SCN3A: variants seen among roughly 807,000 people sequenced by gnomAD.
SCN3A encodes sodium channel protein type 3 subunit alpha.
Under a neutral mutation model 187.6 loss-of-function variants are expected in SCN3A, and 60 were observed. That is an observed-to-expected ratio of 0.32 (90% confidence interval 0.26 to 0.40). The LOEUF (loss-of-function observed/expected upper bound fraction) is 0.40, where lower values mean the gene tolerates loss of function less well. SCN3A is among the 10% of genes least tolerant of loss of function. The probability of loss-of-function intolerance (pLI) is 1.00; values close to 1 mark genes in which losing one functional copy is unlikely to be tolerated. For synonymous variants in SCN3A, 788 were observed against 829.2 expected, an observed-to-expected ratio of 0.95 and a Z score of 0.85; for missense variants, 1,601 against 2,428.2, an observed-to-expected ratio of 0.66 and a Z score of 7.16.
rs144156246 is a variant in SCN3A, at chr2:165,183,325, A to G, written c.-51+3226T>C. 2.8e-3 allele frequency among the ~76,000 whole-genome samples: 419 copies of G among 152,340 alleles called. 4 individuals carry two copies. The highest frequency in any genetic ancestry group is 0.015 in the South Asian group (72 of 4,828). ...AACACAAATTATGACCTTTTCTATT[A>G]TAGTTGACATATTTGTCTTGAATCT... On this transcript the variant is annotated intron_variant, in intron 2 of 27. Coordinates refer to ENST00000283254, the MANE Select transcript of SCN3A (RefSeq NM_006922.4).
chr2:165,162,535 A>G (rs779443897), intron 8 of SCN3A, 21 bp downstream of exon 8: 2 of 1,613,750 alleles, frequency 1.2e-6, no homozygotes, highest in South Asian at 1.1e-5. Flanking sequence ...ACTAAGGTTA[A>G]CATAATGTAA....
intron 15 of SCN3A, among the ~76,000 whole-genome samples, chr2:165,132,616 A>G (rs1687406901): frequency 6.6e-6 from 1 of 152,242 alleles, no homozygotes; most frequent in Non-Finnish European, 1.5e-5. Flanking sequence ...CTTACACCTT[A>G]TACAAAAATT....
rs1685029900 is a variant in SCN3A at position 165,090,406 on chromosome 2, A to G, written c.5747T>C (p.Leu1916Ser). The G allele has an allele frequency of 6.2e-7, 1 of 1,613,424 alleles. No individual in the cohort carries two copies. The highest frequency in any genetic ancestry group is 2.2e-5 in the East Asian group (1 of 44,860). The change falls in exon 28 of 28, where the codon TTA becomes TCA. Residue 1916 changes from leucine (L) to serine (S), a missense_variant. Leu to Ser is a moderately radical substitution (Grantham distance 145, BLOSUM62 -2). Coordinates refer to ENST00000283254, the MANE Select transcript of SCN3A (RefSeq NM_006922.4). The surrounding 1 kb of genome is among the most constrained non-coding windows in gnomAD (Gnocchi z 4.0). ...IIQRNFRCYL[L>S]KQRLKNISSN... is the part of the protein sequence containing the mutation. ...TGATATATTTTTTAACCTTTGCTTT[A>G]AAAGATAACATCTGAAATTACGCTG... is the stretch of plus-strand genomic sequence containing the variant.
At chr2:165,155,426 G>A (rs1688958366) in intron 10 of SCN3A, among the ~76,000 whole-genome samples, 2 of 150,570 alleles carry the variant, frequency 1.3e-5, no homozygotes, top group African/African-American at 4.9e-5. Flanking sequence ...TTGAGATGGG[G>A]TCTTACTCTG....
intron 22 of SCN3A, among the ~76,000 whole-genome samples, chr2:165,098,950 T>C (rs1442222397): frequency 6.6e-6 from 1 of 152,188 alleles, no homozygotes; most frequent in Admixed American, 6.5e-5. Context: ...AAAGTTTGGT[T>C]TGAAAAGAAC....
At chr2:165,106,041 C>T (rs968972670) in intron 21 of SCN3A, among the ~76,000 whole-genome samples, 6 of 151,934 alleles carry the variant, frequency 3.9e-5, no homozygotes, top group Non-Finnish European at 8.8e-5. Context: ...AAGCAAATAC[C>T]GTGGTCATTG....
intron 21 of SCN3A, among the ~76,000 whole-genome samples, chr2:165,112,267 A>G (rs928378699): frequency 2.0e-5 from 3 of 152,138 alleles, no homozygotes; most frequent in African/African-American, 7.2e-5. Flanking sequence ...TCCTATGACT[A>G]CTCACCCCAG....
intron 7 of SCN3A, 56 bp from the exon 8 acceptor site, chr2:165,162,884 T>C: frequency 6.3e-7 from 1 of 1,590,776 alleles, no homozygotes; most frequent in Non-Finnish European, 8.6e-7. Context: ...TCATGATTTC[T>C]TAATAGTCAC....
At chr2:165,193,424 G>T (rs1691736939) in intron 1 of SCN3A, among the ~76,000 whole-genome samples, 1 of 152,092 alleles carries the variant, frequency 6.6e-6, no homozygotes, top group Admixed American at 6.6e-5. Flanking sequence ...ATTACAGGAA[G>T]CTTTCTATTT....
intron 1 of SCN3A, among the ~76,000 whole-genome samples, chr2:165,188,495 G>T (rs1252203014): frequency 6.6e-6 from 1 of 152,064 alleles, no homozygotes; most frequent in Non-Finnish European, 1.5e-5. Flanking sequence ...GTGAGCATAA[G>T]AATCACCTGT....
At chr2:165,118,819 G>A (rs1686503186) in intron 18 of SCN3A, among the ~76,000 whole-genome samples, 1 of 151,818 alleles carries the variant, frequency 6.6e-6, no homozygotes, top group Non-Finnish European at 1.5e-5. Context: ...CTGGAGTGCA[G>A]TGGCGCAGTC....
intron 21 of SCN3A, among the ~76,000 whole-genome samples, chr2:165,109,676 C>T (rs1226481168): frequency 2.6e-5 from 4 of 152,160 alleles, no homozygotes; most frequent in Admixed American, 1.3e-4. Context: ...TCTGCTTTTA[C>T]TCTTTGCCTC....
At chr2:165,165,252 A>ATG (rs142910849) in intron 5 of SCN3A, among the ~76,000 whole-genome samples, 26 of 149,118 alleles carry the variant, frequency 1.7e-4, no homozygotes, top group African/African-American at 4.7e-4. Flanking sequence ...CCCTGAGTGT[A>ATG]TGTGTGTGTG....
intron 18 of SCN3A, among the ~76,000 whole-genome samples, chr2:165,117,330 T>C (rs1686420524): frequency 6.6e-6 from 1 of 152,154 alleles, no homozygotes; most frequent in Non-Finnish European, 1.5e-5. Flanking sequence ...CCAAACTTAA[T>C]AACTTCTGAG....
At chr2:165,126,321 T>C (rs1267680590) in intron 18 of SCN3A, among the ~76,000 whole-genome samples, 3 of 152,192 alleles carry the variant, frequency 2.0e-5, no homozygotes, top group Non-Finnish European at 4.4e-5. Context: ...ATAACATTAC[T>C]ACTATGATAG....
rs544928915 is a variant in SCN3A, at chr2:165,147,206, A to G, written c.1381-177T>C. On this transcript the variant is annotated intron_variant, in intron 11 of 27. Coordinates refer to ENST00000283254, the MANE Select transcript of SCN3A (RefSeq NM_006922.4). Reference sequence around the variant, plus strand: ...AACAATGACCCTTATGTTTTAAATCATATAAAGCAATATGCTAGTGTATGC... The same window carrying G: ...AACAATGACCCTTATGTTTTAAATCGTATAAAGCAATATGCTAGTGTATGC... 2.0e-5 allele frequency among the ~76,000 whole-genome samples: 3 copies of G among 150,356 alleles called. No homozygotes were observed. In the South Asian group the frequency reaches 6.5e-4, roughly 33 times the overall value.
In SCN3A at chr2:165,162,719, C is replaced by T; in HGVS notation, c.804G>A (p.Leu268=). The T allele has an allele frequency of 6.2e-7, 1 of 1,614,136 alleles. No individual in the cohort carries two copies. Among genetic ancestry groups the T allele is most frequent in the Non-Finnish European group, 8.5e-7 (1 of 1,180,012 alleles). ...LSVFALIGLQ[L]FMGNLRNKCL... is the part of the protein sequence containing the mutation. The stretch of plus-strand genomic sequence containing the variant: ...ATTTATTCCTCAGATTGCCCATGAA[C>T]AGCTGCAGCCCAATGAGAGCAAACA... Residue 268 remains leucine (L), a synonymous_variant, in exon 8 of 28, where the codon CTG becomes CTA. Transcript: ENST00000283254.
chr2:165,162,928 AC>A, intron 7 of SCN3A, 100 bp from the exon 8 acceptor site: 1 of 1,401,800 alleles, frequency 7.1e-7, no homozygotes, highest in Non-Finnish European at 1.0e-6. Flanking sequence ...TGATTGCTTG[AC>A]TATTTAGACA....
intron 2 of SCN3A, among the ~76,000 whole-genome samples, chr2:165,179,111 A>C (rs1451629246): frequency 6.6e-6 from 1 of 152,180 alleles, no homozygotes; most frequent in Non-Finnish European, 1.5e-5. Flanking sequence ...AATTCTATGA[A>C]ACACGGTCGC....
Sources: gnomAD v4.1 joint callset for allele counts (sites outside exome capture counted in the v4.1 genomes callset) on GRCh38, gnomAD v4.1.1 for gene constraint, Gnocchi (gnomAD v3.1) non-coding constraint, MANE v1.5 for transcripts, NCBI Gene and HGNC (gene_info 2026-07-23, HGNC 2026-07-21) for gene names.